The following LRIG2 variants were observed in gnomAD, a reference collection of about 807,000 sequenced individuals.
LRIG2 encodes leucine rich repeats and immunoglobulin like domains 2.
A neutral mutation model predicts 107.8 loss-of-function variants in LRIG2; 93 were observed. The observed-to-expected ratio is 0.86, with a 90% CI of 0.73 to 1.03. LRIG2 has a LOEUF of 1.03. LRIG2 is among the 50% of genes least tolerant of loss of function. The pLI is 0.00. For missense variants in LRIG2, 1,226 were observed against 1,296.0 expected (o/e 0.95, Z 0.83); for synonymous variants, 471 against 470.6 (o/e 1.00, Z -0.01).
chr1:113,091,981 C>G (rs573250099), intron 2 of LRIG2, among the ~76,000 whole-genome samples: 16 of 152,162 alleles, frequency 1.1e-4, no homozygotes, highest in Non-Finnish European at 2.4e-4. Flanking sequence ...ACAATTAACA[C>G]CATCAGAACC....
chr1:113,090,482 TA>T (rs1277281667), intron 1 of LRIG2, among the ~76,000 whole-genome samples: 7 of 152,152 alleles, frequency 4.6e-5, no homozygotes, highest in African/African-American at 1.7e-4. Flanking sequence ...ATTCATCCTT[TA>T]TAAACATTCT....
At chr1:113,088,008 A>G (rs1248672735) in intron 1 of LRIG2, among the ~76,000 whole-genome samples, 1 of 152,226 alleles carries the variant, frequency 6.6e-6, no homozygotes, top group Non-Finnish European at 1.5e-5. Flanking sequence ...TGCATGACTG[A>G]TCAGATCAAT....
At position 113,125,091 on chromosome 1, in the gene LRIG2, G is replaced by A. The variant is rs1483779082; in HGVS notation, c.*990G>A. 2.0e-5 allele frequency: 3 copies of A among 152,120 alleles called. No homozygotes were observed. Among genetic ancestry groups the A allele is most frequent in the Non-Finnish European group, 4.4e-5 (3 of 68,014 alleles). The allele number at this position is 152,120 out of a possible 1,614,324, so 9.4% of individuals were successfully genotyped here. ...TGAGGTGGGAGGGTCACTTGAGCCC[G>A]GGAAATCAAGGCTGCAGTGAGCTGT... On this transcript the variant is annotated 3_prime_UTR_variant, in exon 18 of 18. Coordinates refer to ENST00000361127, the MANE Select transcript of LRIG2 (RefSeq NM_014813.3).
intron 1 of LRIG2, among the ~76,000 whole-genome samples, chr1:113,077,512 A>G (rs894535111): frequency 6.6e-6 from 1 of 152,150 alleles, no homozygotes; most frequent in African/African-American, 2.4e-5. Flanking sequence ...ATTGAATTAT[A>G]TATATACTTA....
intron 11 of LRIG2, among the ~76,000 whole-genome samples, chr1:113,106,317 C>A (rs1394444558): frequency 6.6e-6 from 1 of 152,104 alleles, no homozygotes; most frequent in African/African-American, 2.4e-5. Flanking sequence ...AGGATTTGAT[C>A]ATGCACATAA....
chr1:113,105,194 A>G (rs1654483696), intron 11 of LRIG2, among the ~76,000 whole-genome samples: 1 of 152,166 alleles, frequency 6.6e-6, no homozygotes, highest in Admixed American at 6.6e-5. Context: ...GTGCCTGGCC[A>G]CAGACAAAAC....
chr1:113,083,217 AC>A (rs967512553), intron 1 of LRIG2, among the ~76,000 whole-genome samples: 1 of 86,766 alleles, frequency 1.2e-5, no homozygotes, highest in African/African-American at 3.9e-5. Context: ...GCTACTGCAC[AC>A]TTTTTTTTTT....
rs1654750044 is a variant in LRIG2, at chr1:113,110,988, A to AC, written c.1798+426_1798+427insC. 8.3e-5 allele frequency among the ~76,000 whole-genome samples: 5 copies of AC among 60,534 alleles called. 1 individual carries two copies. The South Asian group carries it at 4.1e-3, about 50-fold the overall frequency. 39.7% of individuals were successfully genotyped at this position (60,534 alleles called of 152,430 possible). A position where few individuals can be genotyped will look rare whatever the true frequency, so the allele number is the denominator to read the frequency against. ...TGTCTAAATGTAGTTACACAGGATC[A>AC]TTTGTGTGTGTGTGTGTGTGTGTAT... On this transcript the variant is annotated intron_variant, in intron 13 of 17. Transcript: ENST00000361127.
rs113139448 is a variant in LRIG2 at position 113,129,332 on chromosome 1, G to A, written c.*5231G>A. 2 of 69,902 alleles carry A rather than the reference G, an allele frequency of 2.9e-5. No homozygotes were observed. Among genetic ancestry groups the A allele is most frequent in the South Asian group, 5.9e-4 (1 of 1,688 alleles). The allele number at this position is 69,902 out of a possible 1,614,324, so 4.3% of individuals were successfully genotyped here. On this transcript the variant is annotated 3_prime_UTR_variant, in exon 18 of 18. Coordinates refer to ENST00000361127, the MANE Select transcript of LRIG2 (RefSeq NM_014813.3). Reference sequence around the variant, plus strand: ...CTCAAAAAAAAAAAAAAAAAAACCCGTGTAGGAGTACTGCCTCTCTGCTCT... The same window carrying A: ...CTCAAAAAAAAAAAAAAAAAAACCCATGTAGGAGTACTGCCTCTCTGCTCT...
At chr1:113,090,426 A>G (rs2101030482) in intron 1 of LRIG2, among the ~76,000 whole-genome samples, 1 of 152,256 alleles carries the variant, frequency 6.6e-6, no homozygotes, top group South Asian at 2.1e-4. Flanking sequence ...ATATAAATAC[A>G]CACACGTAAA....
rs1655439743 is a variant in LRIG2, at chr1:113,125,239, GTGATTGT to G, written c.*1139_*1145del. The G allele has an allele frequency of 6.6e-6, 1 of 152,180 alleles. No homozygotes were observed. Among genetic ancestry groups the G allele is most frequent in the African/African-American group, 2.4e-5 (1 of 41,444 alleles). 9.4% of individuals were successfully genotyped at this position (152,180 alleles called of 1,614,324 possible). The stretch of plus-strand genomic sequence containing the variant: ...GTGTATCTATAGAGGCAGCTACTTA[GTGATTGT>G]ATACACATAAACACAGTCTTGGTGT... On this transcript the variant is annotated 3_prime_UTR_variant, in exon 18 of 18. Transcript: ENST00000361127.
intron 1 of LRIG2, among the ~76,000 whole-genome samples, chr1:113,079,740 CTTTTT>C (rs1052163783): frequency 7.8e-6 from 1 of 128,816 alleles, no homozygotes. Context: ...CAGGAGAAAT[CTTTTT>C]TTTTTTTTTT....
intron 16 of LRIG2, among the ~76,000 whole-genome samples, chr1:113,117,434 C>T (rs1215680216): frequency 6.6e-6 from 1 of 152,126 alleles, no homozygotes; most frequent in Admixed American, 6.6e-5. Context: ...AGAACTTTAT[C>T]TAATTGATAA....
chr1:113,123,132 G>A (rs775579788), intron 17 of LRIG2, among the ~76,000 whole-genome samples: 7 of 152,146 alleles, frequency 4.6e-5, no homozygotes, highest in Admixed American at 2.0e-4. Context: ...GAAGGGAATG[G>A]CTGTTTATTT....
chr1:113,115,472 A>G (rs942643243), intron 15 of LRIG2, among the ~76,000 whole-genome samples: 9 of 152,164 alleles, frequency 5.9e-5, no homozygotes, highest in Non-Finnish European at 1.3e-4. Context: ...TGGCCTCTCA[A>G]AGTGCTGGGA....
intron 8 of LRIG2, among the ~76,000 whole-genome samples, 199 bp from the exon 9 acceptor site, chr1:113,098,506 C>G (rs191820049): frequency 6.6e-6 from 1 of 152,004 alleles, no homozygotes; most frequent in East Asian, 1.9e-4. Context: ...TCAGTTCTTA[C>G]GTGTTTATTA....
chr1:113,107,197 G>A (rs1035468058), intron 11 of LRIG2, among the ~76,000 whole-genome samples: 4 of 151,978 alleles, frequency 2.6e-5, no homozygotes, highest in Non-Finnish European at 2.9e-5. Flanking sequence ...ATTTTCTAAC[G>A]AAGACATCAC....
chr1:113,094,506 A>G (rs1653962757), intron 5 of LRIG2, 24 bp downstream of exon 5: 2 of 1,586,282 alleles, frequency 1.3e-6, no homozygotes, highest in African/African-American at 2.7e-5. Context: ...TAGACGGATT[A>G]TAAGAAGATA....
chr1:113,084,026 TAATAATAATAATAA>T (rs1557898216), intron 1 of LRIG2, among the ~76,000 whole-genome samples: 6 of 141,788 alleles, frequency 4.2e-5, no homozygotes, highest in South Asian at 2.4e-4. Flanking sequence ...ATAATAATAA[TAATAATAATAATAA>T]TATTGGCCTT....
Sources: allele counts gnomAD v4.1 joint callset (sites outside exome capture counted in the v4.1 genomes callset), GRCh38; gene constraint gnomAD v4.1.1; transcripts MANE v1.5; gene names NCBI Gene and HGNC (gene_info 2026-07-23, HGNC 2026-07-21).